Variants in PLIN3 observed in about 807,000 individuals in gnomAD.
PLIN3 encodes the protein perilipin-3.
PLIN3 carries 30 observed loss-of-function variants against 35.9 expected under a neutral mutation model. The ratio of observed to expected loss-of-function variants is 0.84; its 90% CI spans 0.62 to 1.13. PLIN3 has a LOEUF of 1.13. Among genes scored for constraint, PLIN3 ranks in the 50% most tolerant of loss-of-function variants. The probability of loss-of-function intolerance (pLI) is 0.00; values close to 1 mark genes in which losing one functional copy is unlikely to be tolerated. For synonymous variants in PLIN3, 261 were observed against 262.5 expected (o/e 0.99, Z 0.06); for missense variants, 603 against 596.9 (o/e 1.01, Z -0.11).
rs932113639 is a variant in PLIN3, at chr19:4,843,245, G to A, written c.960+1423C>T. On this transcript the variant is annotated intron_variant, in intron 7 of 7. Coordinates refer to ENST00000221957, the MANE Select transcript of PLIN3 (RefSeq NM_005817.5). ...AAATAGGCAGGGTGCGGTGGCTCAC[G>A]CCTGTAATCCCAGCACTTTGGGAGG... Among the ~76,000 whole-genome samples, 4 of 151,352 alleles carry A rather than the reference G, an allele frequency of 2.6e-5. No homozygotes were observed. In the South Asian group the frequency reaches 6.2e-4, roughly 24 times the overall value.
Position 4,852,111 on chromosome 19 carries a change from C to G in PLIN3, c.539G>C (p.Arg180Pro). ...CCCACTCAACACCATCTGGCCCAAGCGGGAGCCCATGACCGATTGGACGCC... is the reference window on the plus strand; with the variant it reads ...CCCACTCAACACCATCTGGCCCAAGGGGGAGCCCATGACCGATTGGACGCC... ...TGGVQSVMGS[R>P]LGQMVLSGVD... Residue 180 changes from arginine (R) to proline (P), a missense_variant, in exon 5 of 8, where the codon CGC becomes CCC. Physicochemically the swap from Arg to Pro is moderately radical, Grantham distance 103. Coordinates refer to ENST00000221957, the MANE Select transcript of PLIN3 (RefSeq NM_005817.5). 6.2e-7 allele frequency: 1 copy of G among 1,614,026 alleles called. No homozygotes were observed. Among genetic ancestry groups the G allele is most frequent in the Non-Finnish European group, 8.5e-7 (1 of 1,179,970 alleles).
chr19:4,845,796 C>T (rs942511225), intron 6 of PLIN3, among the ~76,000 whole-genome samples: 6 of 149,896 alleles, frequency 4.0e-5, no homozygotes, highest in East Asian at 2.0e-4. Flanking sequence ...TGGTGGTGGG[C>T]GCCTGTAGTC....
chr19:4,858,706 T>G (rs559565724), intron 4 of PLIN3, among the ~76,000 whole-genome samples: 6,606 of 127,442 alleles, frequency 0.052, 563 homozygotes, highest in African/African-American at 0.17. Flanking sequence ...TTTTGGTTTT[T>G]TTTTTTTTTT....
intron 4 of PLIN3, 56 bp downstream of exon 4, chr19:4,859,534 T>C: frequency 6.8e-7 from 1 of 1,470,176 alleles, no homozygotes. Flanking sequence ...ACCAGCGCAC[T>C]CCACACCCAG....
intron 7 of PLIN3, among the ~76,000 whole-genome samples, chr19:4,843,229 G>A (rs1300743713): frequency 1.3e-5 from 2 of 150,096 alleles, no homozygotes; most frequent in East Asian, 2.0e-4. Flanking sequence ...TAAATAGGCA[G>A]GGTGCGGTGG....
intron 1 of PLIN3, among the ~76,000 whole-genome samples, chr19:4,863,238 C>T (rs150478319): frequency 0.011 from 1,636 of 152,130 alleles, 34 homozygotes; most frequent in African/African-American, 0.038. Flanking sequence ...TGGCTCACGC[C>T]TGTAATCCCA....
At chr19:4,847,588 G>T in intron 6 of PLIN3, 103 bp downstream of exon 6, 1 of 974,188 alleles carries the variant, frequency 1.0e-6, no homozygotes, top group Non-Finnish European at 1.6e-6. Context: ...GAATGGCCCT[G>T]CCAGCCTGCA....
At chr19:4,841,904 CAAAAAAAAAAAA>C (rs111932271) in intron 7 of PLIN3, among the ~76,000 whole-genome samples, 33 of 38,688 alleles carry the variant, frequency 8.5e-4, no homozygotes, top group Admixed American at 2.7e-3. Context: ...GACTCCATCT[CAAAAAAAAAAAA>C]AAAAAAAAAA....
At chr19:4,854,570 A>AT (rs1211356173) in intron 4 of PLIN3, among the ~76,000 whole-genome samples, 1 of 151,752 alleles carries the variant, frequency 6.6e-6, no homozygotes, top group East Asian at 1.9e-4. Context: ...CGGCCGGCTA[A>AT]TTTTTTGTAT....
At chr19:4,847,272 C>T (rs2030132316) in intron 6 of PLIN3, among the ~76,000 whole-genome samples, 1 of 151,526 alleles carries the variant, frequency 6.6e-6, no homozygotes, top group African/African-American at 2.4e-5. Flanking sequence ...TCACTGCAGC[C>T]TCCAACTCCT....
At chr19:4,853,139 AT>A (rs1398480247) in intron 4 of PLIN3, among the ~76,000 whole-genome samples, 25 of 145,226 alleles carry the variant, frequency 1.7e-4, no homozygotes, top group African/African-American at 5.4e-4. Context: ...TTTCAATTTA[AT>A]TTTTTTTCTT....
At chr19:4,841,920 A>AG (rs1568372113) in intron 7 of PLIN3, among the ~76,000 whole-genome samples, 41 of 83,716 alleles carry the variant, frequency 4.9e-4, no homozygotes, top group Non-Finnish European at 7.0e-4. Flanking sequence ...AAAAAAAAAA[A>AG]AAAAAAGAAA....
At chr19:4,844,159 A>T (rs902144416) in intron 7 of PLIN3, among the ~76,000 whole-genome samples, 1 of 151,984 alleles carries the variant, frequency 6.6e-6, no homozygotes, top group African/African-American at 2.4e-5. Context: ...GCCGGAGAAT[A>T]CTAGTCAGAA....
intron 1 of PLIN3, among the ~76,000 whole-genome samples, chr19:4,864,913 C>A (rs1317966907): frequency 1.3e-5 from 2 of 152,098 alleles, no homozygotes; most frequent in Non-Finnish European, 2.9e-5. Context: ...GCTAAAGGGT[C>A]GGGCATGGTG....
intron 4 of PLIN3, among the ~76,000 whole-genome samples, chr19:4,858,692 G>GTTTTTGTTTTT (rs1468711919): frequency 1.2e-4 from 6 of 52,002 alleles, no homozygotes; most frequent in Non-Finnish European, 1.4e-4. Flanking sequence ...AGAATATGGT[G>GTTTTTGTTTTT]TTTTTTTGGT....
At chr19:4,861,623 CCT>C (rs1314035060) in intron 1 of PLIN3, among the ~76,000 whole-genome samples, 2 of 151,970 alleles carry the variant, frequency 1.3e-5, no homozygotes, top group African/African-American at 4.8e-5. Context: ...CACCTGGCCC[CCT>C]ATTTCTTTTT....
At position 4,859,914 on chromosome 19, in the gene PLIN3, G is replaced by C; in HGVS notation, c.177C>G (p.Val59=). 6.2e-7 allele frequency: 1 copy of C among 1,614,000 alleles called. No individual in the cohort carries two copies. Among genetic ancestry groups the C allele is most frequent in the South Asian group, 1.1e-5 (1 of 91,072 alleles). The change falls in exon 3 of 8, where the codon GTC becomes GTG. Residue 59 remains valine, a synonymous_variant. Transcript: ENST00000221957. ...TCACTCCCTTCTCTGCTGCGTCGCA[G>C]ACAGTCTTGATGTGCGGGTAGCTCT... ...TKESYPHIKT[V]CDAAEKGVRT... is the part of the protein sequence containing the mutation.
chr19:4,846,795 G>C (rs772320570), intron 6 of PLIN3, among the ~76,000 whole-genome samples: 3 of 152,096 alleles, frequency 2.0e-5, no homozygotes, highest in Admixed American at 6.6e-5. Context: ...GTCAAGGAGA[G>C]AGGCCCCAGA....
chr19:4,857,794 G>A (rs1460577902), intron 4 of PLIN3, among the ~76,000 whole-genome samples: 1 of 151,738 alleles, frequency 6.6e-6, no homozygotes, highest in Non-Finnish European at 1.5e-5. Context: ...TGACCAACAT[G>A]GTAAAACCCC....
Sources: allele counts gnomAD v4.1 joint callset (sites outside exome capture counted in the v4.1 genomes callset), GRCh38; gene constraint gnomAD v4.1.1; transcripts MANE v1.5; gene names NCBI Gene and HGNC (gene_info 2026-07-23, HGNC 2026-07-21).